The following MICU2 variants were observed in gnomAD, a reference collection of about 807,000 sequenced individuals.
MICU2 encodes calcium uptake protein 2, mitochondrial.
A neutral mutation model predicts 60.4 loss-of-function variants in MICU2; 64 were observed. The observed-to-expected ratio is 1.06, with a 90% CI of 0.87 to 1.31. MICU2 has a LOEUF of 1.31. MICU2 is among the 50% of genes most tolerant of loss of function. The pLI, the probability that MICU2 is intolerant of heterozygous loss-of-function variation, is 0.00. For synonymous variants in MICU2, 201 were observed against 175.0 expected, an observed-to-expected ratio of 1.15 and a Z score of -1.17; for missense variants, 569 against 531.0, an observed-to-expected ratio of 1.07 and a Z score of -0.70.
intron 2 of MICU2, among the ~76,000 whole-genome samples, chr13:21,565,519 G>A (rs977042976): frequency 3.9e-5 from 6 of 152,230 alleles, no homozygotes; most frequent in African/African-American, 9.6e-5. Context: ...TTAGCTGGGC[G>A]TGGTGGCACG....
intron 9 of MICU2, among the ~76,000 whole-genome samples, chr13:21,502,017 C>A (rs1886184274): frequency 6.6e-6 from 1 of 152,158 alleles, no homozygotes; most frequent in South Asian, 2.1e-4. Flanking sequence ...CTAATATAAC[C>A]ATTACACTTA....
At chr13:21,510,220 C>T in intron 7 of MICU2, 119 bp from the exon 8 acceptor site, 1 of 453,152 alleles carries the variant, frequency 2.2e-6, no homozygotes, top group South Asian at 6.8e-5. Flanking sequence ...ACAACAACAA[C>T]AACAAAAGTT....
intron 7 of MICU2, among the ~76,000 whole-genome samples, chr13:21,511,751 G>A (rs894083679): frequency 1.3e-5 from 2 of 151,262 alleles, no homozygotes; most frequent in African/African-American, 2.4e-5. Flanking sequence ...TTTCCATTAT[G>A]TTGTCATTTC....
intron 1 of MICU2, among the ~76,000 whole-genome samples, chr13:21,576,347 A>G (rs1340484395): frequency 6.6e-6 from 1 of 152,124 alleles, no homozygotes; most frequent in African/African-American, 2.4e-5. Flanking sequence ...AATTTCAGGA[A>G]TCTTATGTAC....
chr13:21,514,462 T>G, intron 6 of MICU2, 44 bp from the exon 7 acceptor site: 1 of 1,480,434 alleles, frequency 6.8e-7, no homozygotes, highest in South Asian at 1.2e-5. Flanking sequence ...GCCTACCAGA[T>G]TTTTCAAAAC....
Position 21,514,368 on chromosome 13 carries a change from A to G in MICU2, c.648T>C (p.Asn216=). The G allele has an allele frequency of 6.2e-7, 1 of 1,612,590 alleles. No homozygotes were observed. The highest frequency in any genetic ancestry group is 1.7e-4 in the Middle Eastern group (1 of 6,050). ...CTGTACATACCTGATATCCAGTTTCATTAGTTTTCACTGTCATCAAGTCAT... is the reference window on the plus strand; with the variant it reads ...CTGTACATACCTGATATCCAGTTTCGTTAGTTTTCACTGTCATCAAGTCAT... The part of the protein sequence containing the change: ...KQDDLMTVKT[N]ETGYQEAIVK... Residue 216 remains asparagine (N), a synonymous_variant, in exon 7 of 12, where the codon AAT becomes AAC. Coordinates refer to ENST00000382374, the MANE Select transcript of MICU2 (RefSeq NM_152726.3).
chr13:21,598,689 C>T (rs1301774436), intron 1 of MICU2, among the ~76,000 whole-genome samples: 1 of 151,856 alleles, frequency 6.6e-6, no homozygotes, highest in Non-Finnish European at 1.5e-5. Context: ...GCACTCCAGC[C>T]TGAGTGACTG....
At chr13:21,572,561 C>G (rs1309217496) in intron 1 of MICU2, among the ~76,000 whole-genome samples, 1 of 152,178 alleles carries the variant, frequency 6.6e-6, no homozygotes, top group African/African-American at 2.4e-5. Context: ...GTTTTAGGAG[C>G]TAGACTTAGA....
intron 1 of MICU2, among the ~76,000 whole-genome samples, chr13:21,595,303 G>A (rs1469621432): frequency 6.6e-6 from 1 of 152,326 alleles, no homozygotes; most frequent in East Asian, 1.9e-4. Flanking sequence ...GAAGGCATGG[G>A]AGTGACACTG....
chr13:21,525,518 C>T (rs1202628368), intron 4 of MICU2, among the ~76,000 whole-genome samples: 15 of 151,738 alleles, frequency 9.9e-5, no homozygotes, highest in Non-Finnish European at 1.5e-4. Flanking sequence ...TGAGGAATCG[C>T]CCTACCTTTT....
chr13:21,603,843 C>G (rs1888885502), intron 1 of MICU2, 96 bp downstream of exon 1: 2 of 1,382,036 alleles, frequency 1.4e-6, no homozygotes, highest in Non-Finnish European at 2.0e-6. Flanking sequence ...ACCCACGGCT[C>G]CGGGAGAGCC....
chr13:21,538,572 A>AAAAC lies in MICU2; in HGVS notation c.466+729_466+730insGTTT, dbSNP rs756502262. Among the ~76,000 whole-genome samples, 169 of 151,298 alleles carry AAAAC rather than the reference A, an allele frequency of 1.1e-3. 3 individuals are homozygous for AAAAC. In the South Asian group the frequency reaches 0.021, roughly 19 times the overall value. ...AGCAAGACCCTGTCTCAAAAAAAAA[A>AAAAC]AAAAAAAACCCCAAACAACCCACAC... On this transcript the variant is annotated intron_variant, in intron 4 of 11. Transcript: ENST00000382374.
intron 8 of MICU2, among the ~76,000 whole-genome samples, chr13:21,506,017 C>T (rs1472382413): frequency 5.3e-5 from 8 of 151,882 alleles, no homozygotes; most frequent in Non-Finnish European, 8.8e-5. Context: ...TTCTTCATGC[C>T]CAGACTCCAC....
At chr13:21,554,483 A>G (rs1887652286) in intron 2 of MICU2, among the ~76,000 whole-genome samples, 1 of 152,240 alleles carries the variant, frequency 6.6e-6, no homozygotes, top group Non-Finnish European at 1.5e-5. Flanking sequence ...TTTGAAACCA[A>G]CGAGAACAAA....
In MICU2 at chr13:21,502,924, A is replaced by T; in HGVS notation, c.933+2T>A. On this transcript the variant is annotated splice_donor_variant, in intron 9 of 11. Coordinates refer to ENST00000382374, the MANE Select transcript of MICU2 (RefSeq NM_152726.3). LOFTEE classifies it high-confidence loss of function. ...ACATGCATAATAAAAGGGTATACCA[A>T]CCTCTCCTGCTGACAACTTCTCTCT... 1 of 1,607,522 alleles carries T rather than the reference A, an allele frequency of 6.2e-7. No homozygotes were observed. Among genetic ancestry groups the T allele is most frequent in the Non-Finnish European group, 8.5e-7 (1 of 1,178,446 alleles).
At position 21,529,801 on chromosome 13, in the gene MICU2, G is replaced by C. The variant is rs140786180; in HGVS notation, c.467-7151C>G. 6.0e-3 allele frequency among the ~76,000 whole-genome samples: 920 copies of C among 152,298 alleles called. 4 individuals are homozygous for C. Among genetic ancestry groups the C allele is most frequent in the Middle Eastern group, 0.02 (6 of 294 alleles). On this transcript the variant is annotated intron_variant, in intron 4 of 11. Coordinates refer to ENST00000382374, the MANE Select transcript of MICU2 (RefSeq NM_152726.3). ...ATAAACCACAAGCTACACAGGAGCTGGGAGACTCTATATATTCAGCCTGTG... is the reference window on the plus strand; with the variant it reads ...ATAAACCACAAGCTACACAGGAGCTCGGAGACTCTATATATTCAGCCTGTG...
At chr13:21,577,326 G>T (rs1888247814) in intron 1 of MICU2, among the ~76,000 whole-genome samples, 1 of 152,010 alleles carries the variant, frequency 6.6e-6, no homozygotes, top group Non-Finnish European at 1.5e-5. Flanking sequence ...ATGTAATATA[G>T]CCTCCCTTTT....
At chr13:21,495,110 A>G (rs769608040) in intron 11 of MICU2, 51 bp downstream of exon 11, 10 of 1,438,502 alleles carry the variant, frequency 7.0e-6, no homozygotes, top group South Asian at 3.1e-5. Flanking sequence ...TCTAGGTTTA[A>G]TATCAGTTAA....
In MICU2 at chr13:21,493,277, C is replaced by G; in HGVS notation, c.1277G>C (p.Trp426Ser). ...KESIKGVKEV[W>S]KQAGKGLF The stretch of plus-strand genomic sequence containing the variant: ...AAAAAGACCTTTTCCAGCTTGTTTC[C>G]AGACTTCTTTTACTCCTTTAATGCT... Residue 426 changes from tryptophan to serine, a missense_variant, in exon 12 of 12, where the codon TGG (tryptophan) becomes TCG (serine). Trp to Ser is a radical substitution (Grantham distance 177, BLOSUM62 -3). Transcript: ENST00000382374. The G allele has an allele frequency of 1.9e-6, 3 of 1,609,216 alleles. No homozygotes were observed. Among genetic ancestry groups the G allele is most frequent in the Non-Finnish European group, 2.5e-6 (3 of 1,178,182 alleles).
Sources: allele counts gnomAD v4.1 joint callset (sites outside exome capture counted in the v4.1 genomes callset), GRCh38; gene constraint gnomAD v4.1.1; transcripts MANE v1.5; gene names NCBI Gene and HGNC (gene_info 2026-07-23, HGNC 2026-07-21).